Variants in CADPS2 observed in about 807,000 individuals in gnomAD.
CADPS2 encodes the protein calcium-dependent secretion activator 2.
CADPS2 carries 93 observed loss-of-function variants against 172.5 expected under a neutral mutation model. The observed-to-expected ratio is 0.54, with a 90% CI of 0.46 to 0.64. The LOEUF (loss-of-function observed/expected upper bound fraction) is 0.64, where lower values mean the gene tolerates loss of function less well. Ranked by LOEUF, CADPS2 falls within the 30% of genes least tolerant of loss-of-function variation. CADPS2 has a pLI of 0.00. For missense variants in CADPS2, 1,420 were observed against 1,565.9 expected (o/e 0.91, Z 1.57); for synonymous variants, 546 against 555.2 (o/e 0.98, Z 0.23).
chr7:122,419,922 A>G (rs1186197245), intron 17 of CADPS2, among the ~76,000 whole-genome samples: 1 of 152,140 alleles, frequency 6.6e-6, no homozygotes, highest in Non-Finnish European at 1.5e-5. Flanking sequence ...AGTTTAGAAT[A>G]TTTAACTTAT....
intron 3 of CADPS2, among the ~76,000 whole-genome samples, chr7:122,657,844 A>G (rs2079999711): frequency 6.6e-6 from 1 of 152,030 alleles, no homozygotes; most frequent in Admixed American, 6.6e-5. Flanking sequence ...TTCCAACACT[A>G]TGTTGAATAG....
At chr7:122,656,386 C>T (rs919274915) in intron 3 of CADPS2, among the ~76,000 whole-genome samples, 1 of 152,072 alleles carries the variant, frequency 6.6e-6, no homozygotes, top group Non-Finnish European at 1.5e-5. Flanking sequence ...GAAGAGAATA[C>T]CACCCCACTC....
At chr7:122,784,801 A>G (rs1344756730) in intron 1 of CADPS2, among the ~76,000 whole-genome samples, 4 of 152,154 alleles carry the variant, frequency 2.6e-5, no homozygotes. Flanking sequence ...GTCTTTTCTC[A>G]TCAGGTGAGT....
intron 6 of CADPS2, among the ~76,000 whole-genome samples, chr7:122,590,496 G>A (rs955265914): frequency 3.3e-5 from 5 of 151,912 alleles, no homozygotes; most frequent in South Asian, 2.1e-4. Flanking sequence ...GTATGGCTGC[G>A]CTATAATTTA....
intron 1 of CADPS2, among the ~76,000 whole-genome samples, chr7:122,738,977 CATT>C (rs1431294554): frequency 1.3e-5 from 2 of 151,982 alleles, no homozygotes; most frequent in African/African-American, 2.4e-5. Flanking sequence ...GGAACATCAT[CATT>C]ATATTACAAT....
chr7:122,401,835 C>CA (rs1585655120), intron 20 of CADPS2, among the ~76,000 whole-genome samples: 1 of 152,026 alleles, frequency 6.6e-6, no homozygotes, highest in Non-Finnish European at 1.5e-5. Flanking sequence ...CTCTGGGAGT[C>CA]AGTGAGTGAG....
intron 1 of CADPS2, among the ~76,000 whole-genome samples, chr7:122,765,219 GT>G (rs1360900092): frequency 2.0e-5 from 3 of 152,286 alleles, no homozygotes; most frequent in Middle Eastern, 3.4e-3. Flanking sequence ...TCCAGCAAAT[GT>G]CAGGGCTCAA....
chr7:122,782,891 T>G (rs1483434991), intron 1 of CADPS2, among the ~76,000 whole-genome samples: 1 of 152,194 alleles, frequency 6.6e-6, no homozygotes, highest in East Asian at 1.9e-4. Context: ...TTATACTATT[T>G]CTCCTTTTCT....
intron 3 of CADPS2, among the ~76,000 whole-genome samples, chr7:122,653,621 G>T (rs2079417087): frequency 6.6e-6 from 1 of 152,006 alleles, no homozygotes; most frequent in Non-Finnish European, 1.5e-5. Flanking sequence ...ACACATTGAA[G>T]GTCTGTGGCA....
At chr7:122,661,952 T>A (rs2080592581) in intron 3 of CADPS2, among the ~76,000 whole-genome samples, 1 of 152,222 alleles carries the variant, frequency 6.6e-6, no homozygotes, top group African/African-American at 2.4e-5. Context: ...TCTTCCACTA[T>A]TATCAAATAA....
chr7:122,659,602 C>T (rs189609520), intron 3 of CADPS2, among the ~76,000 whole-genome samples: 19 of 152,098 alleles, frequency 1.2e-4, no homozygotes, highest in Admixed American at 1.2e-3. Flanking sequence ...CAGCAGTGAA[C>T]TTTCCAAAAT....
intron 25 of CADPS2, among the ~76,000 whole-genome samples, chr7:122,367,888 C>T (rs1331631543): frequency 6.6e-6 from 1 of 151,962 alleles, no homozygotes; most frequent in Non-Finnish European, 1.5e-5. Flanking sequence ...TTTCTAGCTT[C>T]TTGCCTGCAT....
At chr7:122,812,967 G>C (rs943816112) in intron 1 of CADPS2, among the ~76,000 whole-genome samples, 1 of 152,086 alleles carries the variant, frequency 6.6e-6, no homozygotes, top group East Asian at 1.9e-4. Flanking sequence ...TTTGCCAATT[G>C]GGCCTTGGAC....
intron 2 of CADPS2, among the ~76,000 whole-genome samples, chr7:122,681,014 TA>T (rs2082966354): frequency 6.6e-6 from 1 of 150,830 alleles, no homozygotes; most frequent in Non-Finnish European, 1.5e-5. Flanking sequence ...TCATTCTCAG[TA>T]AACTATCGCA....
chr7:122,490,358 A>G (rs543022945), intron 10 of CADPS2, 77 bp from the exon 11 acceptor site: 1 of 1,046,498 alleles, frequency 9.6e-7, no homozygotes, highest in African/African-American at 1.6e-5. Flanking sequence ...AACTGACCTC[A>G]TGGAAAAGAA....
intron 24 of CADPS2, among the ~76,000 whole-genome samples, chr7:122,380,754 A>C (rs1651034481): frequency 6.6e-6 from 1 of 152,066 alleles, no homozygotes; most frequent in Non-Finnish European, 1.5e-5. Flanking sequence ...TGAATGTGGA[A>C]TTTTCTGGGC....
intron 12 of CADPS2, among the ~76,000 whole-genome samples, chr7:122,474,948 G>C (rs2056455175): frequency 6.6e-6 from 1 of 152,132 alleles, no homozygotes; most frequent in Non-Finnish European, 1.5e-5. Context: ...TGCTTCAGCT[G>C]GATCACTTCC....
chr7:122,591,746 C>G (rs2070842929), intron 6 of CADPS2, among the ~76,000 whole-genome samples: 1 of 152,118 alleles, frequency 6.6e-6, no homozygotes, highest in South Asian at 2.1e-4. Context: ...AAAGGATTCC[C>G]TATTTAATAA....
intron 8 of CADPS2, among the ~76,000 whole-genome samples, chr7:122,551,435 C>T (rs1037538498): frequency 3.6e-4 from 55 of 151,856 alleles, no homozygotes; most frequent in Non-Finnish European, 6.0e-4. Flanking sequence ...TGAGAACACA[C>T]AGAAAAATAT....
Sources: gnomAD v4.1 joint callset for allele counts (sites outside exome capture counted in the v4.1 genomes callset) on GRCh38, gnomAD v4.1.1 for gene constraint, MANE v1.5 for transcripts, NCBI Gene and HGNC (gene_info 2026-07-23, HGNC 2026-07-21) for gene names.